Variants in TNRC6B observed in about 807,000 individuals in gnomAD.
The protein encoded by TNRC6B is trinucleotide repeat-containing gene 6B protein.
In TNRC6B, 52 loss-of-function variants were observed where a neutral mutation model predicts 203.6. The observed-to-expected ratio is 0.26, with a 90% CI of 0.20 to 0.32. The LOEUF (loss-of-function observed/expected upper bound fraction) is 0.32. Ranked by LOEUF, TNRC6B falls within the 10% of genes least tolerant of loss-of-function variation. The probability of loss-of-function intolerance (pLI) is 1.00; values close to 1 mark genes in which losing one functional copy is unlikely to be tolerated. For synonymous variants in TNRC6B, 838 were observed against 845.7 expected, an observed-to-expected ratio of 0.99 and a Z score of 0.16; for missense variants, 1,923 against 2,286.2, an observed-to-expected ratio of 0.84 and a Z score of 3.24.
Position 40,265,447 on chromosome 22 carries a change from G to A in TNRC6B, c.1217G>A (p.Ser406Asn), listed in dbSNP as rs758560803. The change falls in exon 5 of 23, where the codon AGC becomes AAC. Residue 406 changes from serine (S) to asparagine (N), a missense_variant. By Grantham distance (46) the Ser-to-Asn change is conservative. This residue lies in a region of TNRC6B where 614 missense variants were observed against 587.7 expected (regional missense o/e 1.04). Transcript: ENST00000454349. ...FGMGLGNTSR[S>N]TDAPSQSTGD... is the part of the protein sequence containing the mutation. Reference sequence around the variant, plus strand: ...ATGGGCTTGGGGAACACCTCCAGGAGCACTGATGCCCCTTCACAAAGCACT... The same window carrying A: ...ATGGGCTTGGGGAACACCTCCAGGAACACTGATGCCCCTTCACAAAGCACT... 1.9e-6 allele frequency: 3 copies of A among 1,614,034 alleles called. No individual in the cohort carries two copies. Among genetic ancestry groups the A allele is most frequent in the African/African-American group, 1.3e-5 (1 of 75,050 alleles).
intron 1 of TNRC6B, among the ~76,000 whole-genome samples, chr22:40,206,766 C>G (rs893030230): frequency 1.3e-5 from 2 of 152,164 alleles, no homozygotes; most frequent in African/African-American, 4.8e-5. Context: ...TACATGGAAT[C>G]TTGCTCTGTG....
At chr22:40,185,712 G>T (rs1408733060) in intron 1 of TNRC6B, among the ~76,000 whole-genome samples, 1 of 152,156 alleles carries the variant, frequency 6.6e-6, no homozygotes, top group Non-Finnish European at 1.5e-5. Context: ...GGGACCTGTT[G>T]AAAATTTGAT....
At chr22:40,284,592 G>A (rs1383967714) in intron 11 of TNRC6B, among the ~76,000 whole-genome samples, 2 of 152,182 alleles carry the variant, frequency 1.3e-5, no homozygotes, top group South Asian at 2.1e-4. Context: ...ATTGAGTTCT[G>A]GGAATACGAA....
intron 22 of TNRC6B, 89 bp from the exon 23 acceptor site, chr22:40,322,765 A>G: frequency 6.8e-7 from 1 of 1,477,722 alleles, no homozygotes; most frequent in African/African-American, 1.4e-5. Context: ...AAAGGACTGC[A>G]CATTGAATGT....
At chr22:40,171,074 G>A (rs2068991689) in intron 4 of TNRC6B, among the ~76,000 whole-genome samples, 1 of 145,740 alleles carries the variant, frequency 6.9e-6, no homozygotes, top group African/African-American at 2.5e-5. Flanking sequence ...ATCTATATAT[G>A]TATGTTTATA....
intron 15 of TNRC6B, among the ~76,000 whole-genome samples, chr22:40,305,207 G>A (rs1169612177): frequency 6.6e-6 from 1 of 152,192 alleles, no homozygotes; most frequent in Non-Finnish European, 1.5e-5. Flanking sequence ...AATGATAAAA[G>A]CAGGTGACAG....
At chr22:40,121,703 C>T (rs1468631023) in intron 2 of TNRC6B, among the ~76,000 whole-genome samples, 1 of 152,248 alleles carries the variant, frequency 6.6e-6, no homozygotes, top group African/African-American at 2.4e-5. Context: ...ACCACCACCG[C>T]CACAACCGTC....
chr22:40,101,421 T>C (rs2068240529), intron 1 of TNRC6B, among the ~76,000 whole-genome samples: 1 of 152,208 alleles, frequency 6.6e-6, no homozygotes, highest in Non-Finnish European at 1.5e-5. Flanking sequence ...AAGGTCTGAA[T>C]ATTCACATTT....
chr22:40,198,306 A>G (rs1271958863), intron 1 of TNRC6B, among the ~76,000 whole-genome samples: 1 of 152,198 alleles, frequency 6.6e-6, no homozygotes, highest in Non-Finnish European at 1.5e-5. Flanking sequence ...CTGAATTATT[A>G]CAAGTTCTAA....
chr22:40,067,315 G>A (rs559920600), intron 1 of TNRC6B, among the ~76,000 whole-genome samples: 20 of 152,150 alleles, frequency 1.3e-4, no homozygotes, highest in East Asian at 3.9e-4. Flanking sequence ...TAGCATGAGC[G>A]CATATCTGTA....
At chr22:40,059,842 G>A (rs1156680143) in intron 1 of TNRC6B, among the ~76,000 whole-genome samples, 1 of 108,900 alleles carries the variant, frequency 9.2e-6, no homozygotes, top group South Asian at 3.2e-4. Context: ...TTTTCCCCCC[G>A]AGACGGAGTC....
chr22:40,277,101 G>A lies in TNRC6B; in HGVS notation c.3166G>A (p.Asp1056Asn). The A allele has an allele frequency of 6.2e-7, 1 of 1,606,958 alleles. No individual in the cohort carries two copies. Among genetic ancestry groups the A allele is most frequent in the Non-Finnish European group, 8.5e-7 (1 of 1,177,532 alleles). Residue 1056 changes from aspartate (D) to asparagine (N), a missense_variant, in exon 8 of 23, where the codon GAT becomes AAT. Asp to Asn is a conservative substitution (Grantham distance 23). Coordinates refer to ENST00000454349, the MANE Select transcript of TNRC6B (RefSeq NM_001162501.2). The part of the protein sequence containing the change: ...MKCSLKGGNN[D>N]SWMNPLAKQF... ...GTGCTCACTCAAAGGAGGAAACAAT[G>A]ATTCATGGATGAATCCTCTTGCCAA...
chr22:40,115,418 GTA>G (rs750580749), intron 1 of TNRC6B, among the ~76,000 whole-genome samples: 1 of 152,196 alleles, frequency 6.6e-6, no homozygotes, highest in Non-Finnish European at 1.5e-5. Context: ...CGAGTTCTCT[GTA>G]AGGGCCAGAC....
At chr22:40,320,865 C>T (rs1645092795) in intron 21 of TNRC6B, among the ~76,000 whole-genome samples, 1 of 152,132 alleles carries the variant, frequency 6.6e-6, no homozygotes, top group Non-Finnish European at 1.5e-5. Context: ...TACATGGATA[C>T]CATCTCATTT....
intron 4 of TNRC6B, among the ~76,000 whole-genome samples, chr22:40,167,253 C>T (rs1246210602): frequency 6.6e-6 from 1 of 152,142 alleles, no homozygotes; most frequent in African/African-American, 2.4e-5. Context: ...TTAGGGGGAT[C>T]TCCAGAATGG....
In TNRC6B at chr22:40,136,871, T is replaced by A. The variant is rs557877113; in HGVS notation, c.45+11009T>A. 2.0e-5 allele frequency among the ~76,000 whole-genome samples: 3 copies of A among 152,350 alleles called. No individual in the cohort carries two copies. In the East Asian group the frequency reaches 5.8e-4, roughly 29 times the overall value. On this transcript the variant is annotated intron_variant, in intron 3 of 23. Coordinates refer to the TNRC6B transcript ENST00000301923. Reference sequence around the variant, plus strand: ...AGCTATTAATATAACATTATCATTATCAAAGGCAGCAAGTAAACGTAGTCT... The same window carrying A: ...AGCTATTAATATAACATTATCATTAACAAAGGCAGCAAGTAAACGTAGTCT...
In TNRC6B at chr22:40,325,417, A is replaced by C. The variant is rs1029766308; in HGVS notation, c.*2176A>C. On this transcript the variant is annotated 3_prime_UTR_variant, in exon 23 of 23. Transcript: ENST00000454349. Reference sequence around the variant, plus strand: ...GGCTTACCCTGTTGATTATAAACCTAGCCTCAAAAGAGATTGACAGGCATG... The same window carrying C: ...GGCTTACCCTGTTGATTATAAACCTCGCCTCAAAAGAGATTGACAGGCATG... 6.6e-6 allele frequency: 1 copy of C among 152,648 alleles called. No homozygotes were observed. Among genetic ancestry groups the C allele is most frequent in the African/African-American group, 2.4e-5 (1 of 41,462 alleles). The allele number at this position is 152,648 out of a possible 1,614,324, so 9.5% of individuals were successfully genotyped here. A position where few individuals can be genotyped will look rare whatever the true frequency, so the allele number is the denominator to read the frequency against.
At chr22:40,312,812 T>C (rs1021657354) in intron 18 of TNRC6B, 90 bp from the exon 19 acceptor site, 57 of 1,467,228 alleles carry the variant, frequency 3.9e-5, no homozygotes, top group Non-Finnish European at 5.2e-5. Flanking sequence ...TCCTCCATTC[T>C]ATTGAAGTTT....
At chr22:40,163,467 A>AC (rs2068889084) in intron 4 of TNRC6B, among the ~76,000 whole-genome samples, 2 of 121,380 alleles carry the variant, frequency 1.6e-5, no homozygotes, top group Non-Finnish European at 3.4e-5. Flanking sequence ...AAAAAAAAAA[A>AC]AAAAAAAAAA....
Sources: gnomAD v4.1 joint callset for allele counts (sites outside exome capture counted in the v4.1 genomes callset) on GRCh38, gnomAD v4.1.1 for gene constraint, gnomAD v4.1.1 regional missense constraint, MANE v1.5 for transcripts, NCBI Gene and HGNC (gene_info 2026-07-23, HGNC 2026-07-21) for gene names.